Variants in CCDC171 observed in about 807,000 individuals in gnomAD.
CCDC171 encodes coiled-coil domain-containing protein 171.
In CCDC171, 177 loss-of-function variants were observed where a neutral mutation model predicts 168.2. The ratio of observed to expected loss-of-function variants is 1.05; its 90% CI spans 0.93 to 1.19. The LOEUF (loss-of-function observed/expected upper bound fraction) is 1.19. Among genes scored for constraint, CCDC171 ranks in the 50% most tolerant of loss-of-function variants. The probability of loss-of-function intolerance (pLI) is 0.00; values close to 1 mark genes in which losing one functional copy is unlikely to be tolerated. For missense variants in CCDC171, 1,991 were observed against 1,539.0 expected (o/e 1.29, Z -4.91); for synonymous variants, 687 against 540.8 (o/e 1.27, Z -3.75).
intron 6 of CCDC171, among the ~76,000 whole-genome samples, chr9:15,608,389 T>A (rs557429878): frequency 2.0e-5 from 3 of 152,328 alleles, no homozygotes; most frequent in Admixed American, 1.3e-4. Flanking sequence ...TTAGTGCGTA[T>A]AAAATATGTG....
Position 15,671,846 on chromosome 9 carries a change from A to G in CCDC171, c.1076+5523A>G, listed in dbSNP as rs549087380. Among the ~76,000 whole-genome samples, 3 of 152,312 alleles carry G rather than the reference A, an allele frequency of 2.0e-5. No individual in the cohort carries two copies. The East Asian group carries it at 5.8e-4, about 29-fold the overall frequency. ...ATGTGTCTTTATAGCAGCATGATTT[A>G]TAATCCTTTGGGTATATACCCAGTA... On this transcript the variant is annotated intron_variant, in intron 9 of 25. Coordinates refer to ENST00000380701, the MANE Select transcript of CCDC171 (RefSeq NM_173550.4).
chr9:15,611,373 GTGTGTTTATATT>G (rs1355078638), intron 6 of CCDC171, among the ~76,000 whole-genome samples: 1 of 152,210 alleles, frequency 6.6e-6, no homozygotes, highest in Non-Finnish European at 1.5e-5. Context: ...ATTCTAGACT[GTGTGTTTATATT>G]TAAGAATGAG....
At chr9:15,695,764 C>T (rs1232740664) in intron 11 of CCDC171, among the ~76,000 whole-genome samples, 2 of 152,194 alleles carry the variant, frequency 1.3e-5, no homozygotes, top group Admixed American at 6.5e-5. Flanking sequence ...ATGTTCTATA[C>T]TTTCCAAGCC....
chr9:15,786,804 T>C (rs1239513002), intron 21 of CCDC171, among the ~76,000 whole-genome samples: 2 of 152,156 alleles, frequency 1.3e-5, no homozygotes, highest in Non-Finnish European at 2.9e-5. Context: ...CCTTATGACA[T>C]TCTTCTCCAG....
At chr9:15,899,388 A>G (rs1012357391) in intron 24 of CCDC171, among the ~76,000 whole-genome samples, 1 of 152,160 alleles carries the variant, frequency 6.6e-6, no homozygotes, top group Non-Finnish European at 1.5e-5. Context: ...TGTAAGTTAC[A>G]TTTAATTTTT....
chr9:16,107,619 A>T, the CCDC171 span, among the ~76,000 whole-genome samples: 2 of 152,188 alleles, frequency 1.3e-5, no homozygotes, highest in African/African-American at 4.8e-5. Context: ...ACATACACAT[A>T]TGTAAACAAT....
intron 6 of CCDC171, among the ~76,000 whole-genome samples, chr9:16,034,874 T>G (rs984979909): frequency 3.3e-5 from 5 of 152,220 alleles, no homozygotes; most frequent in African/African-American, 9.6e-5. Context: ...GGCCCAAGGG[T>G]TAACTTGGAG....
chr9:15,654,024 T>C (rs2047732315), intron 7 of CCDC171, among the ~76,000 whole-genome samples: 1 of 152,184 alleles, frequency 6.6e-6, no homozygotes, highest in South Asian at 2.1e-4. Context: ...GTTTTGAGTC[T>C]TCAGACAAAA....
chr9:15,947,238 A>C (rs1828514213), intron 25 of CCDC171, among the ~76,000 whole-genome samples: 2 of 151,994 alleles, frequency 1.3e-5, no homozygotes, highest in South Asian at 4.1e-4. Context: ...TAACATTCAT[A>C]GACGTTAAAA....
intron 18 of CCDC171, among the ~76,000 whole-genome samples, chr9:15,755,197 G>C (rs7870244): frequency 2.0e-5 from 3 of 152,038 alleles, no homozygotes; most frequent in Non-Finnish European, 4.4e-5. Context: ...CTTCTCTGCT[G>C]TCCTTAACGT....
chr9:15,905,215 A>T (rs1822373136), intron 24 of CCDC171, among the ~76,000 whole-genome samples: 1 of 152,216 alleles, frequency 6.6e-6, no homozygotes, highest in African/African-American at 2.4e-5. Flanking sequence ...TCAACAGAAT[A>T]TACATTCTTC....
chr9:15,637,948 A>G, intron 7 of CCDC171, among the ~76,000 whole-genome samples: 1 of 152,146 alleles, frequency 6.6e-6, no homozygotes, highest in Non-Finnish European at 1.5e-5. Flanking sequence ...ATGTGTCTTT[A>G]TAACAGCATG....
intron 21 of CCDC171, among the ~76,000 whole-genome samples, chr9:15,841,474 G>T (rs1355259715): frequency 6.6e-6 from 1 of 151,882 alleles, no homozygotes; most frequent in East Asian, 1.9e-4. Context: ...AACTAAGACT[G>T]CCATTTATTT....
rs1015106775 is a variant in CCDC171 at position 15,705,805 on chromosome 9, A to G, written c.1318+10468A>G. Among the ~76,000 whole-genome samples the G allele has an allele frequency of 1.1e-4, 17 of 152,358 alleles. No individual in the cohort carries two copies. The East Asian group carries it at 2.3e-3, about 21-fold the overall frequency. ...CTTTAATCATTAGTGTATTTTAAGC[A>G]GCTAGAATAGTACTTGGCACAAAAC... On this transcript the variant is annotated intron_variant, in intron 11 of 25. Transcript: ENST00000380701.
At chr9:15,954,039 A>G (rs910420568) in intron 25 of CCDC171, among the ~76,000 whole-genome samples, 2 of 151,650 alleles carry the variant, frequency 1.3e-5, no homozygotes, top group South Asian at 2.1e-4. Context: ...CTCTTTTGAT[A>G]TTAGTAATTT....
intron 1 of CCDC171, chr9:16,060,558 T>C (rs1489654001): frequency 6.6e-6 from 1 of 152,268 alleles, no homozygotes; most frequent in African/African-American, 2.4e-5. Context: ...ATTCACTCTG[T>C]GGATGACATA....
chr9:15,934,861 G>T (rs948087761), intron 25 of CCDC171, among the ~76,000 whole-genome samples: 43 of 152,018 alleles, frequency 2.8e-4, no homozygotes, highest in Non-Finnish European at 4.6e-4. Context: ...TTACAACATG[G>T]ATGCACTGTG....
intron 1 of CCDC171, among the ~76,000 whole-genome samples, chr9:15,562,832 T>A (rs2039418362): frequency 6.6e-6 from 1 of 152,154 alleles, no homozygotes; most frequent in South Asian, 2.1e-4. Context: ...GAAGGAAGTT[T>A]CCCTGGGGTC....
At chr9:15,597,162 G>T (rs1041726414) in intron 6 of CCDC171, among the ~76,000 whole-genome samples, 5 of 151,892 alleles carry the variant, frequency 3.3e-5, no homozygotes, top group African/African-American at 1.2e-4. Context: ...GATTGCCCTG[G>T]CCAGAACTTC....
Sources: gnomAD v4.1 joint callset for allele counts (sites outside exome capture counted in the v4.1 genomes callset) on GRCh38, gnomAD v4.1.1 for gene constraint, MANE v1.5 for transcripts, NCBI Gene and HGNC (gene_info 2026-07-23, HGNC 2026-07-21) for gene names.